The following ANKS1B variants were observed in gnomAD, a reference collection of about 807,000 sequenced individuals.
The protein encoded by ANKS1B is ankyrin repeat and sterile alpha motif domain-containing protein 1B.
A neutral mutation model predicts 148.3 loss-of-function variants in ANKS1B; 36 were observed. The observed-to-expected ratio is 0.24, with a 90% CI of 0.19 to 0.32. The LOEUF is 0.32. Among genes scored for constraint, ANKS1B ranks in the 10% least tolerant of loss-of-function variants. The pLI is 1.00. For missense variants in ANKS1B, 1,157 were observed against 1,542.6 expected, an observed-to-expected ratio of 0.75 and a Z score of 4.19; for synonymous variants, 542 against 560.8, an observed-to-expected ratio of 0.97 and a Z score of 0.47.
chr12:99,237,108 A>T (rs1402466772), intron 14 of ANKS1B, among the ~76,000 whole-genome samples: 1 of 152,208 alleles, frequency 6.6e-6, no homozygotes, highest in Non-Finnish European at 1.5e-5. Context: ...AAAGTTAAAA[A>T]AGAAGAAAAT....
chr12:98,938,892 A>G (rs915022795), intron 17 of ANKS1B, among the ~76,000 whole-genome samples: 2 of 152,248 alleles, frequency 1.3e-5, no homozygotes, highest in Non-Finnish European at 2.9e-5. Flanking sequence ...ATGAAATGGA[A>G]AAGGCCTTGG....
At chr12:99,738,726 T>C (rs762379128) in intron 8 of ANKS1B, among the ~76,000 whole-genome samples, 1 of 152,190 alleles carries the variant, frequency 6.6e-6, no homozygotes, top group Non-Finnish European at 1.5e-5. Context: ...CCAACAGAAC[T>C]TTATTGAAGG....
chr12:99,507,217 AAG>A (rs1198543615), intron 9 of ANKS1B, among the ~76,000 whole-genome samples: 2 of 151,954 alleles, frequency 1.3e-5, no homozygotes, highest in Non-Finnish European at 2.9e-5. Flanking sequence ...TATGGAAAAA[AAG>A]AGTCTCCAGT....
At chr12:99,288,495 T>C (rs139972582) in intron 12 of ANKS1B, among the ~76,000 whole-genome samples, 1 of 152,250 alleles carries the variant, frequency 6.6e-6, no homozygotes, top group East Asian at 1.9e-4. Flanking sequence ...CTGGTCATAA[T>C]AAATAAACAG....
chr12:99,976,444 C>T (rs186949408), intron 1 of ANKS1B, among the ~76,000 whole-genome samples: 134 of 152,134 alleles, frequency 8.8e-4, no homozygotes, highest in African/African-American at 1.6e-3. Context: ...TAGAAAAAAA[C>T]GCTTTTTTTC....
intron 17 of ANKS1B, among the ~76,000 whole-genome samples, chr12:98,863,112 C>A (rs2099607688): frequency 6.6e-6 from 1 of 152,218 alleles, no homozygotes; most frequent in Non-Finnish European, 1.5e-5. Context: ...ATCACAAAGA[C>A]ATGCTTTACA....
intron 14 of ANKS1B, chr12:99,154,634 T>C (rs1385590206): frequency 2.1e-6 from 3 of 1,447,556 alleles, no homozygotes; most frequent in South Asian, 1.5e-5. Context: ...ATTTCTTACA[T>C]ATTAATCTTT....
At chr12:98,818,061 A>G (rs2099155485) in intron 19 of ANKS1B, among the ~76,000 whole-genome samples, 1 of 152,026 alleles carries the variant, frequency 6.6e-6, no homozygotes. Context: ...TATAAATTCT[A>G]ACACTGTCTT....
chr12:99,792,576 T>G (rs971692757), intron 4 of ANKS1B, among the ~76,000 whole-genome samples: 2 of 152,024 alleles, frequency 1.3e-5, no homozygotes, highest in African/African-American at 2.4e-5. Flanking sequence ...TCAATCAATG[T>G]GATACCCTGT....
chr12:99,551,208 G>A (rs73141649), intron 9 of ANKS1B, among the ~76,000 whole-genome samples: 9,030 of 152,026 alleles, frequency 0.059, 376 homozygotes, highest in East Asian at 0.23. Context: ...ATTTCTCACC[G>A]TTTCTACTCC....
At chr12:99,780,286 T>G (rs777412641) in intron 5 of ANKS1B, among the ~76,000 whole-genome samples, 2 of 152,112 alleles carry the variant, frequency 1.3e-5, no homozygotes, top group East Asian at 3.9e-4. Flanking sequence ...TGATATCTTT[T>G]TTTTTTTGAG....
chr12:98,801,214 GC>G lies in ANKS1B; in HGVS notation c.3142-90del. 7.3e-7 allele frequency: 1 copy of G among 1,369,694 alleles called. No individual in the cohort carries two copies. Among genetic ancestry groups the G allele is most frequent in the Admixed American group, 2.3e-5 (1 of 43,160 alleles). The allele number at this position is 1,369,694 out of a possible 1,614,324, so 84.8% of individuals were successfully genotyped here. On this transcript the variant is annotated intron_variant, in intron 20 of 26. Transcript: ENST00000683438. The surrounding 1 kb of genome is among the most constrained non-coding windows in gnomAD (Gnocchi z 5.2). ...CCCTGAGCTCACCTTACACACAGGTGCTGTGAATGTACCAAAATGCATTTGG... is the reference window on the plus strand; with the variant it reads ...CCCTGAGCTCACCTTACACACAGGTGTGTGAATGTACCAAAATGCATTTGG...
chr12:99,489,467 C>T (rs946801580), intron 10 of ANKS1B, among the ~76,000 whole-genome samples: 1 of 151,900 alleles, frequency 6.6e-6, no homozygotes, highest in Non-Finnish European at 1.5e-5. Context: ...TATTTTTGAG[C>T]TACTAGAAGA....
At chr12:99,013,046 A>G (rs58373578) in intron 17 of ANKS1B, among the ~76,000 whole-genome samples, 5,221 of 152,268 alleles carry the variant, frequency 0.034, 324 homozygotes, top group African/African-American at 0.12. Flanking sequence ...AAAAGCACAT[A>G]TTGGCTCAGG....
chr12:99,366,341 G>T (rs190902298), intron 12 of ANKS1B, among the ~76,000 whole-genome samples: 3 of 152,150 alleles, frequency 2.0e-5, no homozygotes, highest in African/African-American at 7.2e-5. Context: ...TCAGCCTCAG[G>T]ACACTAATGG....
At chr12:99,590,242 T>C (rs2153233798) in intron 9 of ANKS1B, among the ~76,000 whole-genome samples, 1 of 132,942 alleles carries the variant, frequency 7.5e-6, no homozygotes, top group Non-Finnish European at 1.6e-5. Context: ...AAACATTCAC[T>C]CACACCCACA....
chr12:99,506,941 T>C (rs181313999), intron 9 of ANKS1B, among the ~76,000 whole-genome samples: 34 of 152,030 alleles, frequency 2.2e-4, no homozygotes, highest in South Asian at 8.3e-4. Context: ...ATAAGCTCCA[T>C]GAAGGCTGGA....
intron 1 of ANKS1B, among the ~76,000 whole-genome samples, chr12:99,905,331 T>C (rs1300791166): frequency 1.3e-5 from 2 of 152,166 alleles, no homozygotes; most frequent in African/African-American, 4.8e-5. Context: ...GGAAGTTTGG[T>C]CAATTAAAAA....
At chr12:99,395,009 A>C (rs2094199089) in intron 12 of ANKS1B, among the ~76,000 whole-genome samples, 1 of 152,060 alleles carries the variant, frequency 6.6e-6, no homozygotes, top group Non-Finnish European at 1.5e-5. Flanking sequence ...AGTCATCCTT[A>C]ATTCTTCTCA....
Sources: allele counts gnomAD v4.1 joint callset (sites outside exome capture counted in the v4.1 genomes callset), GRCh38; gene constraint gnomAD v4.1.1; non-coding constraint Gnocchi (gnomAD v3.1); transcripts MANE v1.5; gene names NCBI Gene and HGNC (gene_info 2026-07-23, HGNC 2026-07-21).